Variants in PEX26 observed in about 807,000 individuals in gnomAD.
The protein encoded by PEX26 is peroxisome assembly protein 26.
PEX26 carries 18 observed loss-of-function variants against 31.4 expected under a neutral mutation model. The observed-to-expected ratio is 0.57, with a 90% CI of 0.40 to 0.85. PEX26 has a LOEUF of 0.85. Among genes scored for constraint, PEX26 ranks in the 40% least tolerant of loss-of-function variants. The probability of loss-of-function intolerance (pLI) is 0.00; values close to 1 mark genes in which losing one functional copy is unlikely to be tolerated. For synonymous variants in PEX26, 176 were observed against 166.9 expected (o/e 1.05, Z -0.42); for missense variants, 377 against 383.9 (o/e 0.98, Z 0.15).
chr22:18,083,005 C>T (rs928034550), intron 2 of PEX26, among the ~76,000 whole-genome samples: 13 of 152,180 alleles, frequency 8.5e-5, no homozygotes, highest in African/African-American at 1.7e-4. Context: ...TTCACTGTCA[C>T]GTATAGAAAC....
Position 18,103,394 on chromosome 22 carries a change from T to C in PEX26, c.*15319T>C, listed in dbSNP as rs1004204053. 1.8e-4 allele frequency: 28 copies of C among 152,150 alleles called. 1 individual carries two copies. Among genetic ancestry groups the C allele is most frequent in the Admixed American group, 1.5e-3 (23 of 15,250 alleles). 9.4% of individuals were successfully genotyped at this position (152,150 alleles called of 1,614,324 possible). ...GATACCCTGAGTTGATCACTACACA[T>C]TCTATGCATGTAATGAAATGTCACA... On this transcript the variant is annotated 3_prime_UTR_variant, in exon 5 of 5. Coordinates refer to ENST00000399744, the MANE Select transcript of PEX26 (RefSeq NM_001127649.3).
rs5992996 is a variant in PEX26, at chr22:18,092,395, C to T, written c.*4320C>T. The T allele has an allele frequency of 1.3e-5, 2 of 152,286 alleles. No homozygotes were observed. Among genetic ancestry groups the T allele is most frequent in the African/African-American group, 4.8e-5 (2 of 41,460 alleles). The allele number at this position is 152,286 out of a possible 1,614,324, so 9.4% of individuals were successfully genotyped here. On this transcript the variant is annotated 3_prime_UTR_variant, in exon 5 of 5. Coordinates refer to ENST00000399744, the MANE Select transcript of PEX26 (RefSeq NM_001127649.3). Reference sequence around the variant, plus strand: ...ACAGGACAGACAGTGGGCACGGTGCCTAGCAGCCTGTCGCGCCCCCGCCCG... The same window carrying T: ...ACAGGACAGACAGTGGGCACGGTGCTTAGCAGCCTGTCGCGCCCCCGCCCG...
In PEX26 at chr22:18,100,007, C is replaced by T. The variant is rs1363737608; in HGVS notation, c.*11932C>T. 6.6e-6 allele frequency: 1 copy of T among 152,164 alleles called. No homozygotes were observed. Among genetic ancestry groups the T allele is most frequent in the Non-Finnish European group, 1.5e-5 (1 of 68,036 alleles). The allele number at this position is 152,164 out of a possible 1,614,324, so 9.4% of individuals were successfully genotyped here. On this transcript the variant is annotated 3_prime_UTR_variant, in exon 5 of 5. Transcript: ENST00000399744. Reference sequence around the variant, plus strand: ...TCTTTGGGGGGCCAAAATTCAATCCCCTAATCCATGTTAGTAACCATGCAG... The same window carrying T: ...TCTTTGGGGGGCCAAAATTCAATCCTCTAATCCATGTTAGTAACCATGCAG...
Position 18,094,855 on chromosome 22 carries a change from A to G in PEX26, c.*6780A>G, listed in dbSNP as rs1927246420. The G allele has an allele frequency of 6.8e-6, 1 of 147,918 alleles. No individual in the cohort carries two copies. The highest frequency in any genetic ancestry group is 2.5e-5 in the African/African-American group (1 of 39,762). The allele number at this position is 147,918 out of a possible 1,614,324, so 9.2% of individuals were successfully genotyped here. ...GAGTGCAGTGGTGCGATCTCGGCTCACTGCACCCTCCTCTTGGGTTCAAGC... is the reference window on the plus strand; with the variant it reads ...GAGTGCAGTGGTGCGATCTCGGCTCGCTGCACCCTCCTCTTGGGTTCAAGC... On this transcript the variant is annotated 3_prime_UTR_variant, in exon 5 of 5. Coordinates refer to ENST00000399744, the MANE Select transcript of PEX26 (RefSeq NM_001127649.3).
chr22:18,087,368 C>A (rs1420320005), intron 4 of PEX26, among the ~76,000 whole-genome samples: 1 of 152,208 alleles, frequency 6.6e-6, no homozygotes, highest in Non-Finnish European at 1.5e-5. Context: ...AGCCATCATG[C>A]CTGGCCAGCG....
At chr22:18,081,387 A>T (rs1346183741) in intron 2 of PEX26, 1 of 154,474 alleles carries the variant, frequency 6.5e-6, no homozygotes, top group Non-Finnish European at 1.4e-5. Flanking sequence ...ATCATGTGGT[A>T]GTTCTATTTT....
In PEX26 at chr22:18,091,664, C is replaced by T. The variant is rs1927103053; in HGVS notation, c.*3589C>T. The T allele has an allele frequency of 6.6e-6, 1 of 152,200 alleles. No homozygotes were observed. Among genetic ancestry groups the T allele is most frequent in the Non-Finnish European group, 1.5e-5 (1 of 68,112 alleles). 9.4% of individuals were successfully genotyped at this position (152,200 alleles called of 1,614,324 possible). A position where few individuals can be genotyped will look rare whatever the true frequency, so the allele number is the denominator to read the frequency against. On this transcript the variant is annotated 3_prime_UTR_variant, in exon 5 of 5. Transcript: ENST00000399744. ...CAGAAACGAAACAAAACACAAAAAC[C>T]TTTCTCAGTCCCAGCATATGTGGAG...
chr22:18,080,975 C>T (rs892272410), intron 2 of PEX26, among the ~76,000 whole-genome samples: 1 of 151,744 alleles, frequency 6.6e-6, no homozygotes, highest in Non-Finnish European at 1.5e-5. Flanking sequence ...ACCGTTCTAC[C>T]GTCTGCTTCT....
intron 2 of PEX26, among the ~76,000 whole-genome samples, chr22:18,082,555 A>G (rs138878880): frequency 4.1e-4 from 63 of 151,812 alleles, no homozygotes; most frequent in Non-Finnish European, 7.9e-4. Context: ...GTTCTGTTCT[A>G]TTTTGTCTGT....
intron 4 of PEX26, among the ~76,000 whole-genome samples, chr22:18,086,748 G>A (rs1926857201): frequency 6.6e-6 from 1 of 152,050 alleles, no homozygotes; most frequent in Non-Finnish European, 1.5e-5. Context: ...AAATTTAAGA[G>A]GAAATCAGAA....
Position 18,091,843 on chromosome 22 carries a change from T to C in PEX26, c.*3768T>C, listed in dbSNP as rs1474081716. On this transcript the variant is annotated 3_prime_UTR_variant, in exon 5 of 5. Coordinates refer to ENST00000399744, the MANE Select transcript of PEX26 (RefSeq NM_001127649.3). Reference sequence around the variant, plus strand: ...GCCCCAAGTTTAGGGTGAGCAGCAGTGGTCAGAGCTCTTTACTATTACTTT... The same window carrying C: ...GCCCCAAGTTTAGGGTGAGCAGCAGCGGTCAGAGCTCTTTACTATTACTTT... 6.6e-6 allele frequency: 1 copy of C among 152,202 alleles called. No homozygotes were observed. Among genetic ancestry groups the C allele is most frequent in the East Asian group, 1.9e-4 (1 of 5,196 alleles). 9.4% of individuals were successfully genotyped at this position (152,202 alleles called of 1,614,324 possible).
chr22:18,083,612 G>C lies in PEX26; in HGVS notation c.547G>C (p.Gly183Arg), dbSNP rs535045097. ...CLSEAEELVV[G>R]SAAFGEERRL... ...ATCGGAGGCTGAGGAGCTAGTGGTG[G>C]GCTCTGCAGCCTTTGGTGAGGAGCG... The change falls in exon 3 of 5, where the codon GGC (glycine) becomes CGC (arginine). Residue 183 changes from glycine (G) to arginine (R), a missense_variant. By Grantham distance (125) the Gly-to-Arg change is moderately radical. Transcript: ENST00000399744. The C allele has an allele frequency of 6.2e-7, 1 of 1,614,090 alleles. No individual in the cohort carries two copies. The highest frequency in any genetic ancestry group is 1.7e-5 in the Admixed American group (1 of 60,012).
rs1449471712 is a variant in PEX26 at position 18,092,106 on chromosome 22, C to T, written c.*4031C>T. On this transcript the variant is annotated 3_prime_UTR_variant, in exon 5 of 5. Coordinates refer to ENST00000399744, the MANE Select transcript of PEX26 (RefSeq NM_001127649.3). ...TCCCTCCCAGCCTCCCTGTGCCGTC[C>T]TCTGCTTTCCTCCCTCCCAGCACGG... 1 of 152,266 alleles carries T rather than the reference C, an allele frequency of 6.6e-6. No individual in the cohort carries two copies. Among genetic ancestry groups the T allele is most frequent in the African/African-American group, 2.4e-5 (1 of 41,442 alleles). The allele number at this position is 152,266 out of a possible 1,614,324, so 9.4% of individuals were successfully genotyped here.
chr22:18,090,260 A>G lies in PEX26; in HGVS notation c.*2185A>G, dbSNP rs1927035163. 6.6e-6 allele frequency: 1 copy of G among 152,238 alleles called. No individual in the cohort carries two copies. The highest frequency in any genetic ancestry group is 2.1e-4 in the South Asian group (1 of 4,830). The allele number at this position is 152,238 out of a possible 1,614,324, so 9.4% of individuals were successfully genotyped here. A position where few individuals can be genotyped will look rare whatever the true frequency, so the allele number is the denominator to read the frequency against. On this transcript the variant is annotated 3_prime_UTR_variant, in exon 5 of 5. Transcript: ENST00000399744. ...ACGCTTCAATGGCTTCCCATGGCTC[A>G]CTGGATAACATCTAAATTCTTCATG...
chr22:18,092,281 T>C lies in PEX26; in HGVS notation c.*4206T>C, dbSNP rs1187818961. 1 of 152,318 alleles carries C rather than the reference T, an allele frequency of 6.6e-6. No homozygotes were observed. The highest frequency in any genetic ancestry group is 1.5e-5 in the Non-Finnish European group (1 of 68,082). 9.4% of individuals were successfully genotyped at this position (152,318 alleles called of 1,614,324 possible). On this transcript the variant is annotated 3_prime_UTR_variant, in exon 5 of 5. Transcript: ENST00000399744. ...GCCCTGGCCTAGCACCTTTGGAAAC[T>C]GAATACATGGAGTGTTAACCAGAAA...
chr22:18,083,298 C>A, intron 2 of PEX26, 139 bp from the exon 3 acceptor site: 1 of 866,270 alleles, frequency 1.2e-6, no homozygotes, highest in Non-Finnish European at 2.0e-6. Flanking sequence ...TTCCCATGAG[C>A]ATCATCATTT....
At chr22:18,084,723 CTTTTT>C (rs762094985) in intron 3 of PEX26, among the ~76,000 whole-genome samples, 1 of 139,344 alleles carries the variant, frequency 7.2e-6, no homozygotes, top group Non-Finnish European at 1.6e-5. Context: ...TTACTAAACT[CTTTTT>C]TTTTTTTTTT....
At chr22:18,078,803 G>T (rs1395303230) in intron 1 of PEX26, 197 bp downstream of exon 1, 3 of 706,714 alleles carry the variant, frequency 4.2e-6, no homozygotes, top group Non-Finnish European at 7.7e-6. Context: ...CAAAAACTTA[G>T]TGGGGATCCC....
Position 18,104,868 on chromosome 22 carries a change from T to C in PEX26, c.*16793T>C, listed in dbSNP as rs1927570727. 6.6e-6 allele frequency: 1 copy of C among 152,156 alleles called. No individual in the cohort carries two copies. The highest frequency in any genetic ancestry group is 1.5e-5 in the Non-Finnish European group (1 of 68,056). 9.4% of individuals were successfully genotyped at this position (152,156 alleles called of 1,614,324 possible). The stretch of plus-strand genomic sequence containing the variant: ...ATGTAAACCTTAAAGGCGAGCCAAT[T>C]TGTTTGTGATCCAGTGGCCAAAATG... On this transcript the variant is annotated 3_prime_UTR_variant, in exon 5 of 5. Transcript: ENST00000399744.
Sources: gnomAD v4.1 joint callset for allele counts (sites outside exome capture counted in the v4.1 genomes callset) on GRCh38, gnomAD v4.1.1 for gene constraint, MANE v1.5 for transcripts, NCBI Gene and HGNC (gene_info 2026-07-23, HGNC 2026-07-21) for gene names.